Variants in PAX7 observed in about 807,000 individuals in gnomAD.
PAX7 encodes paired box 7.
Under a neutral mutation model 50.7 loss-of-function variants are expected in PAX7, and 18 were observed. That is an observed-to-expected ratio of 0.36 (90% CI 0.25 to 0.53). PAX7 has a LOEUF of 0.53. Among genes scored for constraint, PAX7 ranks in the 20% least tolerant of loss-of-function variants. PAX7 has a pLI of 0.93. For missense variants in PAX7, 644 were observed against 702.9 expected, an observed-to-expected ratio of 0.92 and a Z score of 0.95; for synonymous variants, 310 against 290.4, an observed-to-expected ratio of 1.07 and a Z score of -0.69.
chr1:18,698,766 T>C (rs917135159), intron 5 of PAX7, among the ~76,000 whole-genome samples: 3 of 152,034 alleles, frequency 2.0e-5, no homozygotes, highest in Non-Finnish European at 4.4e-5. Context: ...CCAGTCGTTT[T>C]TCCTCCAGGC....
chr1:18,689,079 A>G (rs2089019446), intron 4 of PAX7, among the ~76,000 whole-genome samples: 1 of 151,936 alleles, frequency 6.6e-6, no homozygotes, highest in African/African-American at 2.4e-5. Context: ...TGCACTCCCT[A>G]CAACTCTAGT....
At chr1:18,711,056 T>A (rs9439726) in intron 7 of PAX7, among the ~76,000 whole-genome samples, 114,465 of 152,110 alleles carry the variant, frequency 0.75, 43,295 homozygotes, top group Middle Eastern at 0.81. Context: ...TTGCCTTCTC[T>A]GGGTCTCTTT....
chr1:18,736,436 G>A (rs1303774338), intron 8 of PAX7, among the ~76,000 whole-genome samples: 1 of 139,894 alleles, frequency 7.1e-6, no homozygotes, highest in East Asian at 2.1e-4. Context: ...CTGTACTCCA[G>A]CCTGTGTGAC....
intron 4 of PAX7, among the ~76,000 whole-genome samples, chr1:18,637,127 A>T (rs546604555): frequency 6.6e-6 from 1 of 152,134 alleles, no homozygotes; most frequent in African/African-American, 2.4e-5. Flanking sequence ...GTCCTGCGCC[A>T]TGCTTTTTCT....
At chr1:18,728,589 C>A (rs61760728) in intron 7 of PAX7, among the ~76,000 whole-genome samples, 4,379 of 151,730 alleles carry the variant, frequency 0.029, 117 homozygotes, top group East Asian at 0.1. Flanking sequence ...GACCGGGCGT[C>A]GTGGCTCACG....
intron 4 of PAX7, among the ~76,000 whole-genome samples, chr1:18,657,370 G>A (rs2088537100): frequency 6.6e-6 from 1 of 151,038 alleles, no homozygotes; most frequent in South Asian, 2.1e-4. Context: ...CTCAGAGGAG[G>A]AAAAACTGGC....
chr1:18,641,614 C>A (rs994575901), intron 4 of PAX7, among the ~76,000 whole-genome samples: 4 of 152,166 alleles, frequency 2.6e-5, no homozygotes, highest in Non-Finnish European at 5.9e-5. Flanking sequence ...GACTAGTGTG[C>A]ACGGCGCAGC....
intron 4 of PAX7, among the ~76,000 whole-genome samples, chr1:18,649,111 T>C (rs1280769296): frequency 6.6e-6 from 1 of 152,200 alleles, no homozygotes; most frequent in Non-Finnish European, 1.5e-5. Flanking sequence ...AGAGGTCATC[T>C]GGCCATTTTA....
intron 4 of PAX7, among the ~76,000 whole-genome samples, chr1:18,649,096 G>T (rs944452372): frequency 6.6e-6 from 1 of 152,176 alleles, no homozygotes; most frequent in Non-Finnish European, 1.5e-5. Context: ...ACTCAAACAG[G>T]CCTTAGAGGT....
intron 7 of PAX7, among the ~76,000 whole-genome samples, chr1:18,710,880 C>A (rs2089343340): frequency 5.3e-5 from 8 of 152,182 alleles, no homozygotes; most frequent in Admixed American, 5.2e-4. Context: ...CCTTCTCTCG[C>A]ACATTTTCCG....
chr1:18,646,981 G>A (rs1197522072), intron 4 of PAX7, among the ~76,000 whole-genome samples: 5 of 144,700 alleles, frequency 3.5e-5, no homozygotes, highest in African/African-American at 1.3e-4. Flanking sequence ...GGTGGGGTGG[G>A]GGGGAGGGCT....
chr1:18,707,403 CTTTTTTTCTTTCTTTT>C (rs2089296528), intron 7 of PAX7, among the ~76,000 whole-genome samples: 1 of 102,936 alleles, frequency 9.7e-6, no homozygotes, highest in Non-Finnish European at 1.9e-5. Flanking sequence ...CTTTCCTTTT[CTTTTTTTCTTTCTTTT>C]TTTTTTTTTT....
intron 4 of PAX7, among the ~76,000 whole-genome samples, chr1:18,649,345 C>T (rs1233254792): frequency 6.6e-6 from 1 of 152,130 alleles, no homozygotes; most frequent in African/African-American, 2.4e-5. Flanking sequence ...TGACACATGC[C>T]TTAAAGTTCT....
At chr1:18,730,745 C>T (rs2089635610) in intron 7 of PAX7, among the ~76,000 whole-genome samples, 1 of 152,020 alleles carries the variant, frequency 6.6e-6, no homozygotes, top group South Asian at 2.1e-4. Flanking sequence ...CGGCATGTCC[C>T]AGGGGAGGGG....
At position 18,652,937 on chromosome 1, in the gene PAX7, C is replaced by G. The variant is rs554571176; in HGVS notation, c.586+16566C>G. On this transcript the variant is annotated intron_variant, in intron 4 of 8. Coordinates refer to ENST00000420770, the MANE Select transcript of PAX7 (RefSeq NM_001135254.2). ...GTTTTCCCAGTTTTGTAGATGAAAG[C>G]ACAGCTCAGAGAGGTTTACTCAGTT... Among the ~76,000 whole-genome samples the G allele has an allele frequency of 2.0e-5, 3 of 152,302 alleles. No individual in the cohort carries two copies. The South Asian group carries it at 6.2e-4, about 32-fold the overall frequency.
chr1:18,637,339 C>T (rs1357544852), intron 4 of PAX7, among the ~76,000 whole-genome samples: 6 of 152,020 alleles, frequency 3.9e-5, no homozygotes, highest in Non-Finnish European at 8.8e-5. Flanking sequence ...TAAGGGGCGA[C>T]AGGGAGAGAA....
chr1:18,726,593 C>G lies in PAX7; in HGVS notation c.1156-9039C>G, dbSNP rs910541720. ...CAAACAGGGTGAGGCTCAGTCTGTT[C>G]CCAGGCAGAGGGTTGGGCCTTAGTG... On this transcript the variant is annotated intron_variant, in intron 7 of 8. Coordinates refer to ENST00000420770, the MANE Select transcript of PAX7 (RefSeq NM_001135254.2). The surrounding 1 kb of genome is among the most constrained non-coding windows in gnomAD (Gnocchi z 4.8). Among the ~76,000 whole-genome samples, 1 of 152,104 alleles carries G rather than the reference C, an allele frequency of 6.6e-6. No homozygotes were observed. The highest frequency in any genetic ancestry group is 2.1e-4 in the South Asian group (1 of 4,830).
chr1:18,734,850 A>T (rs948841551), intron 7 of PAX7, among the ~76,000 whole-genome samples: 1 of 152,190 alleles, frequency 6.6e-6, no homozygotes, highest in Non-Finnish European at 1.5e-5. Flanking sequence ...CTGTTTGTGG[A>T]GTAAACAAGT....
Position 18,631,408 on chromosome 1 carries a change from CT to C in PAX7, c.-195del. On this transcript the variant is annotated 5_prime_UTR_variant, in exon 1 of 9. Transcript: ENST00000420770. ...CCAACCTCCACCCCACCTCACCCCC[CT>C]CCCCAGCTTCTGGACGCGTTTGACT... 1.7e-6 allele frequency: 1 copy of C among 591,798 alleles called. No homozygotes were observed. The highest frequency in any genetic ancestry group is 4.5e-4 in the Middle Eastern group (1 of 2,238). The allele number at this position is 591,798 out of a possible 1,614,324, so 36.7% of individuals were successfully genotyped here. A position where few individuals can be genotyped will look rare whatever the true frequency, so the allele number is the denominator to read the frequency against.
Sources: gnomAD v4.1 joint callset for allele counts (sites outside exome capture counted in the v4.1 genomes callset) on GRCh38, gnomAD v4.1.1 for gene constraint, Gnocchi (gnomAD v3.1) non-coding constraint, MANE v1.5 for transcripts, NCBI Gene and HGNC (gene_info 2026-07-23, HGNC 2026-07-21) for gene names.